Variants in CD3E observed in about 807,000 individuals in gnomAD.
CD3E encodes the protein T-cell surface glycoprotein CD3 epsilon chain.
CD3E carries 16 observed loss-of-function variants against 34.7 expected under a neutral mutation model. That is an observed-to-expected ratio of 0.46 (90% CI 0.31 to 0.70). CD3E has a LOEUF of 0.70. Ranked by LOEUF, CD3E falls within the 30% of genes least tolerant of loss-of-function variation. The pLI is 0.05. For synonymous variants in CD3E, 70 were observed against 90.8 expected, an observed-to-expected ratio of 0.77 and a Z score of 1.30; for missense variants, 223 against 253.9, an observed-to-expected ratio of 0.88 and a Z score of 0.83.
chr11:118,311,717 C>T (rs1419083975), intron 4 of CD3E, among the ~76,000 whole-genome samples: 1 of 152,190 alleles, frequency 6.6e-6, no homozygotes, highest in Non-Finnish European at 1.5e-5. Context: ...GTAGCGCTCC[C>T]TTCTGACAAG....
intron 6 of CD3E, 114 bp downstream of exon 6, chr11:118,312,980 T>A: frequency 8.6e-7 from 1 of 1,157,594 alleles, no homozygotes; most frequent in Non-Finnish European, 1.3e-6. Context: ...TCTTTGCGCT[T>A]CCTCCCACAC....
In CD3E at chr11:118,315,660, G is replaced by A. The variant is rs1354401984; in HGVS notation, c.*118G>A. On this transcript the variant is annotated 3_prime_UTR_variant, in exon 9 of 9. Transcript: ENST00000361763. ...GAGAGAATCGTTCCTCAGCCTCATG[G>A]TGAACTCGCGCCCTCCAGCCTGATC... 1.6e-5 allele frequency: 14 copies of A among 888,770 alleles called. No individual in the cohort carries two copies. Among genetic ancestry groups the A allele is most frequent in the Middle Eastern group, 2.5e-4 (1 of 4,080 alleles). The allele number at this position is 888,770 out of a possible 1,614,324, so 55.1% of individuals were successfully genotyped here. A position where few individuals can be genotyped will look rare whatever the true frequency, so the allele number is the denominator to read the frequency against.
At position 118,310,600 on chromosome 11, in the gene CD3E, T is replaced by C. The variant is rs186003958; in HGVS notation, c.86-1553T>C. Among the ~76,000 whole-genome samples, 233 of 152,346 alleles carry C rather than the reference T, an allele frequency of 1.5e-3. 5 individuals carry two copies. Among genetic ancestry groups the C allele is most frequent in the East Asian group, 1.7e-3 (9 of 5,192 alleles). ...AATGAACATACGTGGAGCACATTTC[T>C]GTCTAAGCACAGACATCTAGACCCT... is the stretch of plus-strand genomic sequence containing the variant. On this transcript the variant is annotated intron_variant, in intron 4 of 8. Coordinates refer to ENST00000361763, the MANE Select transcript of CD3E (RefSeq NM_000733.4).
At chr11:118,313,469 C>A (rs1295704777) in intron 6 of CD3E, 1 of 551,626 alleles carries the variant, frequency 1.8e-6, no homozygotes, top group Non-Finnish European at 3.3e-6. Flanking sequence ...CTTCTCACAG[C>A]TAGTGAGTAA....
intron 7 of CD3E, among the ~76,000 whole-genome samples, 156 bp from the exon 8 acceptor site, chr11:118,314,292 G>GAA (rs200896472): frequency 6.7e-6 from 1 of 150,314 alleles, no homozygotes; most frequent in Non-Finnish European, 1.5e-5. Context: ...ATGAATGAAA[G>GAA]AAAAAAAAAG....
At chr11:118,306,046 T>C (rs938992083) in intron 2 of CD3E, among the ~76,000 whole-genome samples, 4 of 152,196 alleles carry the variant, frequency 2.6e-5, no homozygotes, top group Admixed American at 2.0e-4. Flanking sequence ...AGATTCCGCA[T>C]GTCTAGTACG....
chr11:118,313,040 A>G (rs148422000), intron 6 of CD3E, 174 bp downstream of exon 6: 9 of 764,708 alleles, frequency 1.2e-5, no homozygotes, highest in Middle Eastern at 2.7e-4. Flanking sequence ...TTTCTGGAAT[A>G]TAGATTAAAC....
intron 6 of CD3E, 133 bp from the exon 7 acceptor site, chr11:118,313,574 A>T: frequency 1.2e-6 from 1 of 818,338 alleles, no homozygotes; most frequent in Non-Finnish European, 2.0e-6. Context: ...AACATATTGA[A>T]GGGGGGGCTC....
rs1948164096 is a variant in CD3E, at chr11:118,315,912, A to G, written c.*370A>G. ...TCCCCCATCCCAAAGTATTCCATCT[A>G]CTTTTCTATCGCCGTCCCCTTTTGC... is the stretch of plus-strand genomic sequence containing the variant. On this transcript the variant is annotated 3_prime_UTR_variant, in exon 9 of 9. Coordinates refer to ENST00000361763, the MANE Select transcript of CD3E (RefSeq NM_000733.4). 2 of 354,956 alleles carry G rather than the reference A, an allele frequency of 5.6e-6. No individual in the cohort carries two copies. Among genetic ancestry groups the G allele is most frequent in the African/African-American group, 4.2e-5 (2 of 47,236 alleles). 22.0% of individuals were successfully genotyped at this position (354,956 alleles called of 1,614,324 possible).
At chr11:118,308,505 A>T in intron 4 of CD3E, 64 bp downstream of exon 4, 2 of 1,024,900 alleles carry the variant, frequency 2.0e-6, no homozygotes, top group Non-Finnish European at 3.1e-6. Flanking sequence ...CTCATAGAGT[A>T]CAATCACAGT....
rs1199933794 is a variant in CD3E at position 118,313,432 on chromosome 11, G to C, written c.353-275G>C. 16 of 485,298 alleles carry C rather than the reference G, an allele frequency of 3.3e-5. 1 individual carries two copies. Among genetic ancestry groups the C allele is most frequent in the South Asian group, 3.3e-4 (16 of 48,630 alleles). 30.1% of individuals were successfully genotyped at this position (485,298 alleles called of 1,614,324 possible). On this transcript the variant is annotated intron_variant, in intron 6 of 8. Transcript: ENST00000361763. ...GAGTAAAGGGATGAGGAAACAGAGG[G>C]TTTGTGAGTTGAAAACACATTTCAC...
In CD3E at chr11:118,313,863, G is replaced by A; in HGVS notation, c.509G>A (p.Gly170Asp). 1 of 1,613,222 alleles carries A rather than the reference G, an allele frequency of 6.2e-7. No homozygotes were observed. The highest frequency in any genetic ancestry group is 8.5e-7 in the Non-Finnish European group (1 of 1,179,972). Residue 170 changes from glycine (G) to aspartate (D), a missense_variant, in exon 7 of 9, where the codon GGC becomes GAC. By Grantham distance (94) the Gly-to-Asp change is moderately conservative. Transcript: ENST00000361763. ...KPVTRGAGAG[G>D]RQRGQNKERP... Reference sequence around the variant, plus strand: ...GTGACACGAGGAGCGGGTGCTGGCGGCAGGCAAAGGGGTAAGGCTGTGGAG... The same window carrying A: ...GTGACACGAGGAGCGGGTGCTGGCGACAGGCAAAGGGGTAAGGCTGTGGAG...
chr11:118,311,268 C>T lies in CD3E; in HGVS notation c.86-885C>T, dbSNP rs1051478086. Among the ~76,000 whole-genome samples, 4 of 152,302 alleles carry T rather than the reference C, an allele frequency of 2.6e-5. No individual in the cohort carries two copies. The East Asian group carries it at 7.7e-4, about 29-fold the overall frequency. On this transcript the variant is annotated intron_variant, in intron 4 of 8. Coordinates refer to ENST00000361763, the MANE Select transcript of CD3E (RefSeq NM_000733.4). ...CTCTCTTCCAGCTGTTATGTCCAGA[C>T]TGTAGCAGAACCCAGTGTTCCAGCC...
intron 4 of CD3E, 138 bp downstream of exon 4, chr11:118,308,579 T>G: frequency 2.9e-6 from 2 of 699,230 alleles, no homozygotes; most frequent in South Asian, 3.1e-5. Context: ...GGGATCCGTA[T>G]GAAACTTGCC....
intron 6 of CD3E, 101 bp from the exon 7 acceptor site, chr11:118,313,606 T>A: frequency 9.3e-7 from 1 of 1,077,992 alleles, no homozygotes; most frequent in East Asian, 2.4e-5. Flanking sequence ...AGCGTGTGAG[T>A]AGTAAGGGGA....
chr11:118,305,918 C>T (rs1156637914), intron 2 of CD3E, among the ~76,000 whole-genome samples: 7 of 152,148 alleles, frequency 4.6e-5, no homozygotes, highest in East Asian at 1.9e-4. Context: ...CCCACAGCAA[C>T]GATGTCTCCA....
In CD3E at chr11:118,312,355, C is replaced by A. The variant is rs1470453761; in HGVS notation, c.103+185C>A. On this transcript the variant is annotated intron_variant, in intron 5 of 8. Coordinates refer to ENST00000361763, the MANE Select transcript of CD3E (RefSeq NM_000733.4). ...GGGTTTTTCTTTACATCCATCTTACCCTTCCCAAGTCCCCATGTCCCTGCG... is the reference window on the plus strand; with the variant it reads ...GGGTTTTTCTTTACATCCATCTTACACTTCCCAAGTCCCCATGTCCCTGCG... 3 of 753,350 alleles carry A rather than the reference C, an allele frequency of 4.0e-6. No individual in the cohort carries two copies. In the Admixed American group the frequency reaches 6.3e-5, roughly 16 times the overall value. 46.7% of individuals were successfully genotyped at this position (753,350 alleles called of 1,614,324 possible). A position where few individuals can be genotyped will look rare whatever the true frequency, so the allele number is the denominator to read the frequency against.
At chr11:118,312,053 G>A in intron 4 of CD3E, 100 bp from the exon 5 acceptor site, 1 of 986,166 alleles carries the variant, frequency 1.0e-6, no homozygotes, top group Non-Finnish European at 1.6e-6. Context: ...TCTTTGGGAA[G>A]TCTTGTGGGC....
intron 3 of CD3E, 89 bp from the exon 4 acceptor site, chr11:118,308,338 G>A (rs1316009043): frequency 1.1e-6 from 1 of 906,600 alleles, no homozygotes; most frequent in East Asian, 2.5e-5. Context: ...CCTAAGAGTT[G>A]AGGGAAGAGT....
Sources: gnomAD v4.1 joint callset for allele counts (sites outside exome capture counted in the v4.1 genomes callset) on GRCh38, gnomAD v4.1.1 for gene constraint, MANE v1.5 for transcripts, NCBI Gene and HGNC (gene_info 2026-07-23, HGNC 2026-07-21) for gene names.